TOP1MT: variants seen among roughly 807,000 people sequenced by gnomAD.
The protein encoded by TOP1MT is DNA topoisomerase I, mitochondrial.
A neutral mutation model predicts 73.9 loss-of-function variants in TOP1MT; 80 were observed. That is an observed-to-expected ratio of 1.08 (90% CI 0.90 to 1.30). The LOEUF is 1.30. TOP1MT is among the 50% of genes most tolerant of loss of function. The pLI is 0.00. For synonymous variants in TOP1MT, 338 were observed against 326.4 expected (o/e 1.04, Z -0.38); for missense variants, 815 against 808.0 (o/e 1.01, Z -0.10).
At position 143,315,149 on chromosome 8, in the gene TOP1MT, C is replaced by T. The variant is rs6982991; in HGVS notation, c.1553+578G>A. Among the ~76,000 whole-genome samples the T allele has an allele frequency of 8.1e-3, 1,232 of 152,258 alleles. 20 individuals are homozygous for T. The highest frequency in any genetic ancestry group is 0.028 in the African/African-American group (1,178 of 41,552). On this transcript the variant is annotated intron_variant, in intron 12 of 13. Coordinates refer to ENST00000329245, the MANE Select transcript of TOP1MT (RefSeq NM_052963.3). ...GTTTAGAGAAGACTCTACTCCTCCA[C>T]CTCTTGTGGAGGGCCTGACATCAGT... is the stretch of plus-strand genomic sequence containing the variant.
upstream of TOP1MT, among the ~76,000 whole-genome samples, chr8:143,335,398 G>A (rs1816965599): frequency 6.6e-6 from 1 of 152,194 alleles, no homozygotes; most frequent in Non-Finnish European, 1.5e-5. Flanking sequence ...GCCCCTCAGA[G>A]GTGGTGCCTC....
upstream of TOP1MT, among the ~76,000 whole-genome samples, chr8:143,335,579 C>T (rs569050183): frequency 6.6e-6 from 1 of 152,378 alleles, no homozygotes; most frequent in Non-Finnish European, 1.5e-5. Context: ...GGGAGCATGG[C>T]CAAGGGGCAA....
intron 3 of TOP1MT, among the ~76,000 whole-genome samples, chr8:143,326,838 C>G (rs183237560): frequency 6.6e-6 from 1 of 152,166 alleles, no homozygotes; most frequent in African/African-American, 2.4e-5. Context: ...CACAAAATAC[C>G]GGGGACTGGT....
rs79578132 is a variant in TOP1MT at position 143,324,717 on chromosome 8, C to T, written c.672-88G>A. 10,164 of 1,493,488 alleles carry T rather than the reference C, an allele frequency of 6.8e-3. 601 individuals are homozygous for T. The African/African-American group carries it at 0.13, about 19-fold the overall frequency. The allele number at this position is 1,493,488 out of a possible 1,614,324, so 92.5% of individuals were successfully genotyped here. ...GGAGCTGCTCTGGTCAACCGTCCCACGTGGTGGCTATGGTGGTGGCATGGC... is the reference window on the plus strand; with the variant it reads ...GGAGCTGCTCTGGTCAACCGTCCCATGTGGTGGCTATGGTGGTGGCATGGC... On this transcript the variant is annotated intron_variant, in intron 5 of 13. Transcript: ENST00000329245.
intron 6 of TOP1MT, 29 bp from the exon 7 acceptor site, chr8:143,324,171 A>G: frequency 6.2e-7 from 1 of 1,609,892 alleles, no homozygotes. Context: ...AGGAAAGAAA[A>G]CATTCACATT....
chr8:143,326,476 T>C, intron 3 of TOP1MT, 132 bp from the exon 4 acceptor site: 1 of 1,207,368 alleles, frequency 8.3e-7, no homozygotes, highest in Non-Finnish European at 1.2e-6. Flanking sequence ...AGGCAGAACC[T>C]GCGCACGGTC....
At chr8:143,329,296 G>A (rs1816787328) in intron 3 of TOP1MT, 54 bp downstream of exon 3, 1 of 1,521,956 alleles carries the variant, frequency 6.6e-7, no homozygotes, top group Non-Finnish European at 8.8e-7. Context: ...CAGAACCGCA[G>A]ACGCCTAGCC....
chr8:143,345,959 GGGTGAT>G, upstream of TOP1MT, among the ~76,000 whole-genome samples: 1 of 152,340 alleles, frequency 6.6e-6, no homozygotes, highest in South Asian at 2.1e-4. Context: ...CCGGGGGCAG[GGGTGAT>G]GGTCGAGTGT....
chr8:143,343,128 C>T, intron 2 of TOP1MT: 1 of 453,838 alleles, frequency 2.2e-6, no homozygotes, highest in Non-Finnish European at 4.4e-6. Flanking sequence ...GTTGTCATAT[C>T]TGCAAGAATA....
upstream of TOP1MT, among the ~76,000 whole-genome samples, chr8:143,348,123 C>T (rs1282026775): frequency 6.6e-6 from 1 of 152,166 alleles, no homozygotes; most frequent in African/African-American, 2.4e-5. This position sits in a 1 kb window ranked among gnomAD's most constrained non-coding sequence, Gnocchi z 4.6. Flanking sequence ...AGCCCTACCA[C>T]CCTGGAGAGG....
intron 12 of TOP1MT, among the ~76,000 whole-genome samples, chr8:143,311,711 A>C (rs1447974969): frequency 1.3e-5 from 2 of 150,104 alleles, no homozygotes; most frequent in East Asian, 2.0e-4. Flanking sequence ...ATGCCACTGC[A>C]CTCCAGCCTG....
At chr8:143,328,491 G>A (rs1816762631) in intron 3 of TOP1MT, among the ~76,000 whole-genome samples, 1 of 152,262 alleles carries the variant, frequency 6.6e-6, no homozygotes, top group Admixed American at 6.5e-5. Flanking sequence ...CCCACGGCGA[G>A]GTGTCATTTT....
chr8:143,325,295 A>T, intron 5 of TOP1MT, 51 bp downstream of exon 5: 2 of 1,512,770 alleles, frequency 1.3e-6, no homozygotes, highest in Non-Finnish European at 1.8e-6. Flanking sequence ...AGCCAGCCTC[A>T]CCCGGGTGGC....
At chr8:143,315,266 C>T (rs181047716) in intron 12 of TOP1MT, among the ~76,000 whole-genome samples, 2,233 of 152,304 alleles carry the variant, frequency 0.015, 58 homozygotes, top group African/African-American at 0.051. Context: ...CATGTTCCAT[C>T]CTGTACACCT....
chr8:143,357,225 G>C (rs1387862899), upstream of TOP1MT, among the ~76,000 whole-genome samples: 1 of 151,326 alleles, frequency 6.6e-6, no homozygotes, highest in Non-Finnish European at 1.5e-5. Context: ...AACATAGGGA[G>C]ATAGGGAGAT....
At chr8:143,314,158 C>T (rs1460026432) in intron 12 of TOP1MT, among the ~76,000 whole-genome samples, 6 of 152,298 alleles carry the variant, frequency 3.9e-5, no homozygotes, top group South Asian at 2.1e-4. Context: ...ATGGTGCCGC[C>T]GCCCTGGAGA....
At chr8:143,327,716 G>A in intron 3 of TOP1MT, 1 of 417,396 alleles carries the variant, frequency 2.4e-6, no homozygotes, top group Non-Finnish European at 4.8e-6. Context: ...CCGGGCAGCT[G>A]GTGCCACCTC....
intron 2 of TOP1MT, among the ~76,000 whole-genome samples, chr8:143,330,379 C>T (rs1372637702): frequency 4.6e-5 from 7 of 152,340 alleles, no homozygotes; most frequent in East Asian, 1.9e-4. Context: ...GGGCACAGCG[C>T]GAGACGCTCA....
At chr8:143,335,984 C>A (rs550483604), upstream of TOP1MT, among the ~76,000 whole-genome samples, 3 of 152,314 alleles carry the variant, frequency 2.0e-5, no homozygotes, top group East Asian at 1.9e-4. Context: ...CACACCAGGA[C>A]ACAGCAGCTG....
Sources: gnomAD v4.1 joint callset for allele counts (sites outside exome capture counted in the v4.1 genomes callset) on GRCh38, gnomAD v4.1.1 for gene constraint, Gnocchi (gnomAD v3.1) non-coding constraint, MANE v1.5 for transcripts, NCBI Gene and HGNC (gene_info 2026-07-23, HGNC 2026-07-21) for gene names.